PCDHGB5: variants seen among roughly 807,000 people sequenced by gnomAD.
The protein encoded by PCDHGB5 is protocadherin gamma-B5.
A neutral mutation model predicts 62.9 loss-of-function variants in PCDHGB5; 48 were observed. The ratio of observed to expected loss-of-function variants is 0.76; its 90% CI spans 0.61 to 0.97. PCDHGB5 has a LOEUF of 0.97. Among genes scored for constraint, PCDHGB5 ranks in the 50% least tolerant of loss-of-function variants. PCDHGB5 has a pLI of 0.00. For synonymous variants in PCDHGB5, 474 were observed against 511.2 expected (o/e 0.93, Z 0.98); for missense variants, 1,118 against 1,198.6 (o/e 0.93, Z 0.99).
chr5:141,500,051 C>A (rs991931153), intron 2 of PCDHGB5, among the ~76,000 whole-genome samples: 1 of 151,988 alleles, frequency 6.6e-6, no homozygotes, highest in Non-Finnish European at 1.5e-5. Context: ...TATCTTAATG[C>A]TCTTTTAATG....
chr5:141,476,438 C>G lies in PCDHGB5; in HGVS notation c.2398-18369C>G. On this transcript the variant is annotated intron_variant, in intron 1 of 3. Coordinates refer to ENST00000617380, the MANE Select transcript of PCDHGB5 (RefSeq NM_018925.3). This position sits in a 1 kb window ranked among gnomAD's most constrained non-coding sequence, Gnocchi z 7.6. The stretch of plus-strand genomic sequence containing the variant: ...GACACTGCCCTCTTGCACTGTAACT[C>G]TGGAGTTGGTAGTGGAGAACCCGCT... 1 of 1,614,090 alleles carries G rather than the reference C, an allele frequency of 6.2e-7. No homozygotes were observed. Among genetic ancestry groups the G allele is most frequent in the Non-Finnish European group, 8.5e-7 (1 of 1,180,026 alleles).
intron 1 of PCDHGB5, among the ~76,000 whole-genome samples, chr5:141,457,215 T>C (rs1356941645): frequency 1.3e-5 from 2 of 152,186 alleles, no homozygotes; most frequent in South Asian, 2.1e-4. Flanking sequence ...AAATGTGGTG[T>C]GGTAGGTAAT....
At position 141,414,719 on chromosome 5, in the gene PCDHGB5, C is replaced by T. The variant is rs1361757630; in HGVS notation, c.2397+14195C>T. On this transcript the variant is annotated intron_variant, in intron 1 of 3. Transcript: ENST00000617380. ...TCATACATATCCATCAACTCAGACA[C>T]TGGCGTCCTGTATGCACTCAGATCC... The T allele has an allele frequency of 1.2e-6, 2 of 1,614,050 alleles. No individual in the cohort carries two copies. Among genetic ancestry groups the T allele is most frequent in the African/African-American group, 1.3e-5 (1 of 74,934 alleles).
rs1382764259 is a variant in PCDHGB5 at position 141,478,383 on chromosome 5, T to G, written c.2398-16424T>G. 2.5e-6 allele frequency: 4 copies of G among 1,613,630 alleles called. No individual in the cohort carries two copies. In the Admixed American group the frequency reaches 6.7e-5, roughly 27 times the overall value. Reference sequence around the variant, plus strand: ...CGGGGAGGCCTGATGTCGCCGCACCTTTACCATCAGGTGTATCTCACCACG... The same window carrying G: ...CGGGGAGGCCTGATGTCGCCGCACCGTTACCATCAGGTGTATCTCACCACG... On this transcript the variant is annotated intron_variant, in intron 1 of 3. Coordinates refer to ENST00000617380, the MANE Select transcript of PCDHGB5 (RefSeq NM_018925.3).
intron 1 of PCDHGB5, among the ~76,000 whole-genome samples, chr5:141,472,980 C>CAAA (rs60579131): frequency 5.8e-5 from 5 of 86,104 alleles, no homozygotes; most frequent in Non-Finnish European, 1.0e-4. Context: ...GAGTGAAACT[C>CAAA]AAAAAAAAAA....
At position 141,410,612 on chromosome 5, in the gene PCDHGB5, C is replaced by CT. The variant is rs748943892; in HGVS notation, c.2397+10089dup. The CT allele has an allele frequency of 5.6e-6, 9 of 1,605,878 alleles. 1 individual carries two copies. The South Asian group carries it at 9.9e-5, about 18-fold the overall frequency. On this transcript the variant is annotated intron_variant, in intron 1 of 3. Transcript: ENST00000617380. ...GGATTTGACTTCACATCCTGAGACT[C>CT]TGACTTCGGTGAGTTTCTCTTTTTT...
At chr5:141,501,926 C>T (rs1388315216) in intron 2 of PCDHGB5, among the ~76,000 whole-genome samples, 1 of 152,126 alleles carries the variant, frequency 6.6e-6, no homozygotes, top group African/African-American at 2.4e-5. Flanking sequence ...AGCTTTGTTC[C>T]CTCAACACCA....
At chr5:141,412,060 C>G (rs1191231135) in intron 1 of PCDHGB5, 2 of 152,154 alleles carry the variant, frequency 1.3e-5, no homozygotes, top group African/African-American at 2.4e-5. Context: ...ATACCCTTTG[C>G]ATTTGAGGGA....
At chr5:141,478,496 C>G in intron 1 of PCDHGB5, 1 of 1,613,014 alleles carries the variant, frequency 6.2e-7, no homozygotes, top group Non-Finnish European at 8.5e-7. Flanking sequence ...GAGCTGTGAT[C>G]CGGTGTTCTA....
intron 1 of PCDHGB5, chr5:141,410,503 A>G: frequency 6.2e-7 from 1 of 1,613,958 alleles, no homozygotes; most frequent in Non-Finnish European, 8.5e-7. Context: ...TTAATTTCCT[A>G]AAATGCAGTG....
In PCDHGB5 at chr5:141,431,048, A is replaced by T; in HGVS notation, c.2397+30524A>T. On this transcript the variant is annotated intron_variant, in intron 1 of 3. Transcript: ENST00000617380. This position sits in a 1 kb window ranked among gnomAD's most constrained non-coding sequence, Gnocchi z 4.8. ...CAGGATAGACCGGGAGGAGCTCTGT[A>T]TGGGGGCCATCAAGTGTCAATTAAA... 6.2e-7 allele frequency: 1 copy of T among 1,614,180 alleles called. No homozygotes were observed. The highest frequency in any genetic ancestry group is 1.1e-5 in the South Asian group (1 of 91,088).
chr5:141,429,330 T>C (rs2097204620), intron 1 of PCDHGB5, among the ~76,000 whole-genome samples: 1 of 152,188 alleles, frequency 6.6e-6, no homozygotes, highest in East Asian at 1.9e-4. Flanking sequence ...CTTTAATCCA[T>C]TAACTATAAA....
Position 141,399,911 on chromosome 5 carries a change from G to T in PCDHGB5, c.1784G>T (p.Gly595Val). ...TKVVAVDADS[G>V]HNAWLSYHVL... ...GTAGTGGCCGTGGACGCAGACTCAG[G>T]ACACAACGCCTGGCTGTCCTACCAC... The change falls in exon 1 of 4, where the codon GGA becomes GTA. Residue 595 changes from glycine to valine, a missense_variant. By Grantham distance (109) the Gly-to-Val change is moderately radical. This residue lies in a region of PCDHGB5 where 1,034 missense variants were observed against 1,029.1 expected (regional missense o/e 1.00). Transcript: ENST00000617380. 1 of 1,612,384 alleles carries T rather than the reference G, an allele frequency of 6.2e-7. No individual in the cohort carries two copies.
rs771313271 is a variant in PCDHGB5 at position 141,477,861 on chromosome 5, G to C, written c.2398-16946G>C. 1.2e-6 allele frequency: 2 copies of C among 1,612,714 alleles called. No individual in the cohort carries two copies. Among genetic ancestry groups the C allele is most frequent in the South Asian group, 1.1e-5 (1 of 90,968 alleles). On this transcript the variant is annotated intron_variant, in intron 1 of 3. Transcript: ENST00000617380. The surrounding 1 kb of genome is among the most constrained non-coding windows in gnomAD (Gnocchi z 4.9). ...GGGAGCTCGGTGGAGATGCTGCCTC[G>C]AGGTACCTCAGCTGGCCACCTAGTG...
chr5:141,483,756 G>C (rs11739909), intron 1 of PCDHGB5, among the ~76,000 whole-genome samples: 24,641 of 152,020 alleles, frequency 0.16, 2,128 homozygotes, highest in African/African-American at 0.22. Context: ...GAGGATCGAG[G>C]CTTGGAAAAA....
chr5:141,509,645 G>C (rs138497208), intron 3 of PCDHGB5, among the ~76,000 whole-genome samples: 8 of 152,338 alleles, frequency 5.3e-5, no homozygotes, highest in African/African-American at 1.9e-4. Context: ...GCCAGGGCCA[G>C]AGTGTGGACT....
intron 1 of PCDHGB5, chr5:141,409,596 AC>A: frequency 6.2e-7 from 1 of 1,613,714 alleles, no homozygotes; most frequent in Non-Finnish European, 8.5e-7. Flanking sequence ...GCCGAGAACA[AC>A]CCGCCAGGAG....
At position 141,398,023 on chromosome 5, in the gene PCDHGB5, G is replaced by C; in HGVS notation, c.-105G>C. 1 of 1,438,566 alleles carries C rather than the reference G, an allele frequency of 7.0e-7. No homozygotes were observed. The highest frequency in any genetic ancestry group is 9.3e-7 in the Non-Finnish European group (1 of 1,078,758). 89.1% of individuals were successfully genotyped at this position (1,438,566 alleles called of 1,614,324 possible). Reference sequence around the variant, plus strand: ...GGAAAAAGAATCGTTTCCTAAACTGGAACTGGAACTAAAGCCCGTTCGGAG... The same window carrying C: ...GGAAAAAGAATCGTTTCCTAAACTGCAACTGGAACTAAAGCCCGTTCGGAG... On this transcript the variant is annotated 5_prime_UTR_variant, in exon 1 of 4. Transcript: ENST00000617380.
In PCDHGB5 at chr5:141,397,988, C is replaced by A; in HGVS notation, c.-140C>A. 2 of 1,327,490 alleles carry A rather than the reference C, an allele frequency of 1.5e-6. No homozygotes were observed. Among genetic ancestry groups the A allele is most frequent in the Non-Finnish European group, 1.0e-6 (1 of 985,468 alleles). 82.2% of individuals were successfully genotyped at this position (1,327,490 alleles called of 1,614,324 possible). A position where few individuals can be genotyped will look rare whatever the true frequency, so the allele number is the denominator to read the frequency against. Reference sequence around the variant, plus strand: ...CTCCCCAGCGCCGGCCTTTACACCGCTTCCTCCTCGGAAAAAGAATCGTTT... The same window carrying A: ...CTCCCCAGCGCCGGCCTTTACACCGATTCCTCCTCGGAAAAAGAATCGTTT... On this transcript the variant is annotated 5_prime_UTR_variant, in exon 1 of 4. Transcript: ENST00000617380.
Sources: allele counts gnomAD v4.1 joint callset (sites outside exome capture counted in the v4.1 genomes callset), GRCh38; gene constraint gnomAD v4.1.1; regional missense constraint gnomAD v4.1.1; non-coding constraint Gnocchi (gnomAD v3.1); transcripts MANE v1.5; gene names NCBI Gene and HGNC (gene_info 2026-07-23, HGNC 2026-07-21).